The following SCLT1 variants were observed in gnomAD, a reference collection of about 807,000 sequenced individuals.
The protein encoded by SCLT1 is sodium channel and clathrin linker 1, also known as sodium channel-associated protein 1.
Under a neutral mutation model 112.8 loss-of-function variants are expected in SCLT1, and 78 were observed. The observed-to-expected ratio is 0.69, with a 90% CI of 0.58 to 0.83. The LOEUF is 0.83. SCLT1 is among the 40% of genes least tolerant of loss of function. The pLI is 0.00. For missense variants in SCLT1, 747 were observed against 770.4 expected (o/e 0.97, Z 0.36); for synonymous variants, 257 against 254.7 (o/e 1.01, Z -0.09).
intron 5 of SCLT1, among the ~76,000 whole-genome samples, chr4:129,024,711 C>T (rs1273486478): frequency 6.6e-6 from 1 of 152,138 alleles, no homozygotes; most frequent in Non-Finnish European, 1.5e-5. Flanking sequence ...ATGACTTTGA[C>T]GAGTTGAGAG....
intron 10 of SCLT1, among the ~76,000 whole-genome samples, chr4:128,966,421 G>A (rs1172268903): frequency 6.6e-6 from 1 of 152,048 alleles, no homozygotes. Context: ...CTGAAACCTT[G>A]CAACAGCATA....
chr4:128,956,834 T>C (rs1425187544), intron 13 of SCLT1, among the ~76,000 whole-genome samples, 192 bp downstream of exon 13: 1 of 152,078 alleles, frequency 6.6e-6, no homozygotes, highest in Non-Finnish European at 1.5e-5. Flanking sequence ...CTACTGGAGA[T>C]AATTTTAAAG....
intron 2 of SCLT1, among the ~76,000 whole-genome samples, chr4:129,058,352 C>T (rs955538463): frequency 1.3e-5 from 2 of 152,004 alleles, no homozygotes; most frequent in Non-Finnish European, 1.5e-5. Context: ...TTGATGTAGG[C>T]ATTTATTGTT....
chr4:128,901,079 T>A (rs549026273), intron 18 of SCLT1, among the ~76,000 whole-genome samples: 142 of 152,298 alleles, frequency 9.3e-4, no homozygotes, highest in South Asian at 6.2e-3. Context: ...ATTGGGACTG[T>A]TAACTAGTTC....
Position 128,908,969 on chromosome 4 carries a change from G to T in SCLT1, c.1830-17832C>A, listed in dbSNP as rs531561967. On this transcript the variant is annotated intron_variant, in intron 18 of 20. Transcript: ENST00000281142. ...AAGATTTCAGTTTGTTTGCTGTGGT[G>T]GCTGACATTGCTTAACATAATAAAC... Among the ~76,000 whole-genome samples, 60 of 152,240 alleles carry T rather than the reference G, an allele frequency of 3.9e-4. 3 individuals are homozygous for T. The South Asian group carries it at 0.011, about 29-fold the overall frequency.
At chr4:129,060,610 C>A (rs958925253) in intron 2 of SCLT1, among the ~76,000 whole-genome samples, 3 of 152,114 alleles carry the variant, frequency 2.0e-5, no homozygotes, top group Non-Finnish European at 2.9e-5. Flanking sequence ...TCAGCAGTAA[C>A]TGTGGGTTTC....
chr4:129,030,983 C>T (rs978857022), intron 5 of SCLT1, among the ~76,000 whole-genome samples: 4 of 152,068 alleles, frequency 2.6e-5, no homozygotes, highest in African/African-American at 7.2e-5. Flanking sequence ...ATGAGGCCAG[C>T]ATCGTCCTGA....
At chr4:128,975,260 C>T (rs1366233825) in intron 9 of SCLT1, among the ~76,000 whole-genome samples, 5 of 151,894 alleles carry the variant, frequency 3.3e-5, no homozygotes, top group African/African-American at 1.2e-4. Context: ...AGGACGGTCT[C>T]GATCTGCTGA....
At chr4:128,962,330 T>C (rs1739810758) in intron 11 of SCLT1, among the ~76,000 whole-genome samples, 1 of 152,242 alleles carries the variant, frequency 6.6e-6, no homozygotes. Flanking sequence ...ATTATGTGAA[T>C]GGAATAGTCT....
chr4:128,997,946 T>C lies in SCLT1; in HGVS notation c.550-7A>G. 6.7e-7 allele frequency: 1 copy of C among 1,482,898 alleles called. No individual in the cohort carries two copies. The highest frequency in any genetic ancestry group is 9.1e-7 in the Non-Finnish European group (1 of 1,102,144). The allele number at this position is 1,482,898 out of a possible 1,614,324, so 91.9% of individuals were successfully genotyped here. ...GAAAATCAAATAGCTGATCCTACAG[T>C]GGGAAGGTAAGGGGAGTATATAAAT... On this transcript the variant is annotated splice_polypyrimidine_tract_variant and splice_region_variant and intron_variant, in intron 7 of 20. Coordinates refer to ENST00000281142, the MANE Select transcript of SCLT1 (RefSeq NM_144643.4).
intron 5 of SCLT1, chr4:128,874,397 G>T (rs1560790757): frequency 2.0e-5 from 3 of 152,284 alleles, no homozygotes; most frequent in South Asian, 4.2e-4. Context: ...CTAGTTTTGT[G>T]CAAAAATAAT....
rs767539953 is a variant in SCLT1 at position 128,957,140 on chromosome 4, A to G, written c.1048-16T>C. The G allele has an allele frequency of 4.3e-6, 6 of 1,383,574 alleles. No homozygotes were observed. The East Asian group carries it at 1.4e-4, about 32-fold the overall frequency. The allele number at this position is 1,383,574 out of a possible 1,614,324, so 85.7% of individuals were successfully genotyped here. A position where few individuals can be genotyped will look rare whatever the true frequency, so the allele number is the denominator to read the frequency against. On this transcript the variant is annotated splice_polypyrimidine_tract_variant and intron_variant, in intron 12 of 20. Transcript: ENST00000281142. ...CAAGTAGAGCCTTCAGAAAATAATC[A>G]TTTCATGTTATAGATAACATTATTA...
intron 9 of SCLT1, among the ~76,000 whole-genome samples, chr4:128,985,449 G>A (rs1167891391): frequency 6.6e-6 from 1 of 152,050 alleles, no homozygotes; most frequent in Non-Finnish European, 1.5e-5. Context: ...GTAGTATCAT[G>A]TTTTTACTTG....
downstream of SCLT1, among the ~76,000 whole-genome samples, chr4:128,880,147 T>A (rs900210667): frequency 6.6e-6 from 1 of 152,180 alleles, no homozygotes; most frequent in Non-Finnish European, 1.5e-5. Flanking sequence ...GGCAGAAGGC[T>A]GGATTTTTCT....
chr4:129,026,059 A>G lies in SCLT1; in HGVS notation c.290+12982T>C, dbSNP rs148644887. Reference sequence around the variant, plus strand: ...ACCCACATACATAAAGCAAGTCCTGAGTGACCTACAAAGAGACTTAGACTC... The same window carrying G: ...ACCCACATACATAAAGCAAGTCCTGGGTGACCTACAAAGAGACTTAGACTC... On this transcript the variant is annotated intron_variant, in intron 5 of 20. Transcript: ENST00000281142. Among the ~76,000 whole-genome samples the G allele has an allele frequency of 2.6e-3, 391 of 152,344 alleles. 2 individuals are homozygous for G. Among genetic ancestry groups the G allele is most frequent in the African/African-American group, 9.1e-3 (377 of 41,576 alleles).
chr4:129,067,770 C>T (rs1750619264), intron 2 of SCLT1, among the ~76,000 whole-genome samples: 1 of 152,030 alleles, frequency 6.6e-6, no homozygotes, highest in Admixed American at 6.6e-5. Flanking sequence ...CCTTGGCCTC[C>T]CTAAGTGCTG....
At chr4:128,896,285 C>T (rs318517) in intron 18 of SCLT1, among the ~76,000 whole-genome samples, 36,020 of 152,112 alleles carry the variant, frequency 0.24, 5,389 homozygotes, top group African/African-American at 0.42. Flanking sequence ...GGAGGTACCC[C>T]CCAGTACCGG....
chr4:128,970,547 G>A, intron 9 of SCLT1, 79 bp from the exon 10 acceptor site: 1 of 796,576 alleles, frequency 1.3e-6, no homozygotes, highest in African/African-American at 1.7e-5. Context: ...ATCTGAATTT[G>A]GTAAAATCAG....
In SCLT1 at chr4:129,093,139, T is replaced by C; in HGVS notation, c.-36A>G. The C allele has an allele frequency of 1.2e-6, 2 of 1,605,616 alleles. No individual in the cohort carries two copies. The highest frequency in any genetic ancestry group is 1.7e-5 in the Admixed American group (1 of 59,996). On this transcript the variant is annotated 5_prime_UTR_variant, in exon 1 of 21. Coordinates refer to ENST00000281142, the MANE Select transcript of SCLT1 (RefSeq NM_144643.4). ...TTTTAGTTTAGAGCTTTCACCACCT[T>C]TACCTTCCTCTGAAAGACAGAGAGC...
Sources: allele counts gnomAD v4.1 joint callset (sites outside exome capture counted in the v4.1 genomes callset), GRCh38; gene constraint gnomAD v4.1.1; transcripts MANE v1.5; gene names NCBI Gene and HGNC (gene_info 2026-07-23, HGNC 2026-07-21).